OPHN1: variants seen among roughly 807,000 people sequenced by gnomAD.
OPHN1 encodes the protein oligophrenin 1.
A neutral mutation model predicts 60.7 loss-of-function variants in OPHN1; 11 were observed. The ratio of observed to expected loss-of-function variants is 0.18; its 90% CI spans 0.11 to 0.30. The LOEUF is 0.30. Among genes scored for constraint, OPHN1 ranks in the 10% least tolerant of loss-of-function variants. The probability of loss-of-function intolerance (pLI) is 1.00; values close to 1 mark genes in which losing one functional copy is unlikely to be tolerated. For missense variants in OPHN1, 449 were observed against 611.0 expected (o/e 0.73, Z 2.80); for synonymous variants, 226 against 222.6 (o/e 1.02, Z -0.14).
chrX:68,297,844 T>G (rs1417046125), intron 3 of OPHN1, among the ~76,000 whole-genome samples: 9 of 111,175 alleles, frequency 8.1e-5, no homozygotes, highest in Non-Finnish European at 1.7e-4. Context: ...AAGATAATAT[T>G]ATATATTTAA....
intron 15 of OPHN1, among the ~76,000 whole-genome samples, chrX:68,184,741 C>T (rs777664747): frequency 6.4e-5 from 7 of 109,615 alleles, no homozygotes; most frequent in East Asian, 3.0e-4. Context: ...GGATTACAGG[C>T]GCCCACCACC....
intron 2 of OPHN1, among the ~76,000 whole-genome samples, chrX:68,329,107 G>A (rs1375496960): frequency 2.7e-5 from 3 of 111,543 alleles, no homozygotes; most frequent in East Asian, 5.6e-4. Flanking sequence ...CAGTAGAGAC[G>A]GAGTTTCGCC....
intron 19 of OPHN1, among the ~76,000 whole-genome samples, chrX:68,083,362 G>A (rs906648791): frequency 2.2e-4 from 24 of 110,657 alleles, no homozygotes; most frequent in Non-Finnish European, 4.2e-4. Context: ...GTGAGCCACC[G>A]CGCCCGGCCT....
intron 2 of OPHN1, among the ~76,000 whole-genome samples, chrX:68,412,192 C>T (rs1264558123): frequency 8.9e-6 from 1 of 111,785 alleles, no homozygotes; most frequent in Non-Finnish European, 1.9e-5. Flanking sequence ...TATATCAGTG[C>T]AGATTTTCCC....
chrX:68,205,922 A>T (rs1274786682), intron 10 of OPHN1, among the ~76,000 whole-genome samples: 1 of 110,346 alleles, frequency 9.1e-6, no homozygotes, highest in Non-Finnish European at 1.9e-5. Flanking sequence ...CTGTCTAAAG[A>T]TCAGCTTTTA....
intron 2 of OPHN1, among the ~76,000 whole-genome samples, chrX:68,331,422 GT>G (rs980270525): frequency 4.7e-4 from 52 of 109,902 alleles, no homozygotes; most frequent in African/African-American, 1.6e-3. Flanking sequence ...CTATCTCTAT[GT>G]TTTACTTAGA....
chrX:68,400,297 C>T (rs748242021), intron 2 of OPHN1, among the ~76,000 whole-genome samples: 109 of 111,442 alleles, frequency 9.8e-4, no homozygotes, highest in Middle Eastern at 4.6e-3. Context: ...TTGTCCAATT[C>T]TTTGTCCAAA....
intron 2 of OPHN1, among the ~76,000 whole-genome samples, chrX:68,368,376 A>G (rs1427739240): frequency 1.8e-5 from 2 of 110,653 alleles, no homozygotes; most frequent in East Asian, 5.7e-4. Flanking sequence ...ACAAATAATA[A>G]AAACAAAAAA....
chrX:68,426,887 CAAACA>C (rs2078861428), intron 2 of OPHN1, among the ~76,000 whole-genome samples: 1 of 23,603 alleles, frequency 4.2e-5, no homozygotes, highest in Admixed American at 4.5e-4. Flanking sequence ...TCTCTTAAAA[CAAACA>C]AAAAAAAAAA....
At chrX:68,226,488 A>G (rs1008224654) in intron 6 of OPHN1, among the ~76,000 whole-genome samples, 11 of 111,560 alleles carry the variant, frequency 9.9e-5, no homozygotes, top group Non-Finnish European at 2.1e-4. Context: ...GAGAAAGGTC[A>G]GGTTACCCAC....
intron 2 of OPHN1, among the ~76,000 whole-genome samples, chrX:68,429,121 C>T (rs1163137578): frequency 1.8e-5 from 2 of 111,198 alleles, no homozygotes; most frequent in Non-Finnish European, 3.8e-5. Context: ...ATTTTACAGA[C>T]GAAGTAAAAG....
intron 2 of OPHN1, among the ~76,000 whole-genome samples, chrX:68,357,560 T>G (rs1368352906): frequency 9.1e-6 from 1 of 110,402 alleles, no homozygotes; most frequent in African/African-American, 3.3e-5. Context: ...GCTTCATCCA[T>G]GTCCCTACAA....
chrX:68,112,724 T>C (rs1255290462), intron 17 of OPHN1, among the ~76,000 whole-genome samples: 1 of 111,897 alleles, frequency 8.9e-6, no homozygotes, highest in Non-Finnish European at 1.9e-5. Flanking sequence ...TCTCCCTCAG[T>C]TTTCTCATCT....
At position 68,217,319 on chromosome X, in the gene OPHN1, G is replaced by A. The variant is rs965151043; in HGVS notation, c.487-3347C>T. Among the ~76,000 whole-genome samples the A allele has an allele frequency of 4.5e-5, 5 of 111,922 alleles. No individual in the cohort carries two copies. In the Admixed American group the frequency reaches 4.7e-4, roughly 11 times the overall value. ...GCTGATTGCTAGCACAGCAGTCTGA[G>A]ATCAAACTGCAAGGCGGCAGCGAGG... On this transcript the variant is annotated intron_variant, in intron 6 of 24. Transcript: ENST00000355520.
chrX:68,211,695 T>C (rs2077585313), intron 8 of OPHN1, among the ~76,000 whole-genome samples: 1 of 112,299 alleles, frequency 8.9e-6, no homozygotes, highest in Non-Finnish European at 1.9e-5. Context: ...TACTAATAAG[T>C]ACTGAGAAAA....
intron 15 of OPHN1, among the ~76,000 whole-genome samples, chrX:68,167,247 G>T: frequency 9.0e-6 from 1 of 111,427 alleles, no homozygotes; most frequent in East Asian, 2.8e-4. Flanking sequence ...ATGAAAAGGT[G>T]CTTAATGTCA....
intron 11 of OPHN1, 72 bp from the exon 12 acceptor site, chrX:68,197,336 T>A (rs1255870803): frequency 8.8e-6 from 7 of 791,071 alleles, no homozygotes; most frequent in Non-Finnish European, 1.3e-5. Context: ...TGATCTAGGG[T>A]CCCTCTCTGC....
chrX:68,178,985 T>C (rs773606962), intron 15 of OPHN1, among the ~76,000 whole-genome samples: 1 of 111,887 alleles, frequency 8.9e-6, no homozygotes, highest in Non-Finnish European at 1.9e-5. Context: ...ATATCCCAAT[T>C]CAAAAAGTGG....
At chrX:68,051,321 G>T (rs976993030) in intron 23 of OPHN1, among the ~76,000 whole-genome samples, 1 of 111,562 alleles carries the variant, frequency 9.0e-6, no homozygotes, top group Non-Finnish European at 1.9e-5. Context: ...AGTCCAAAGG[G>T]TCCTAAATTC....
Sources: gnomAD v4.1 joint callset for allele counts (sites outside exome capture counted in the v4.1 genomes callset) on GRCh38, gnomAD v4.1.1 for gene constraint, MANE v1.5 for transcripts, NCBI Gene and HGNC (gene_info 2026-07-23, HGNC 2026-07-21) for gene names.